The following SH2B1 variants were observed in gnomAD, a reference collection of about 807,000 sequenced individuals.
The protein encoded by SH2B1 is SH2B adapter protein 1.
SH2B1 carries 15 observed loss-of-function variants against 62.6 expected under a neutral mutation model. That is an observed-to-expected ratio of 0.24 (90% CI 0.16 to 0.37). The LOEUF (loss-of-function observed/expected upper bound fraction) is 0.37. Among genes scored for constraint, SH2B1 ranks in the 10% least tolerant of loss-of-function variants. The probability of loss-of-function intolerance (pLI) is 1.00; values close to 1 mark genes in which losing one functional copy is unlikely to be tolerated. For synonymous variants in SH2B1, 443 were observed against 438.0 expected (o/e 1.01, Z -0.14); for missense variants, 925 against 1,015.6 (o/e 0.91, Z 1.21).
Position 28,872,681 on chromosome 16 carries a change from G to A in SH2B1, c.1873G>A (p.Val625Ile), listed in dbSNP as rs371836089. 1 of 1,614,176 alleles carries A rather than the reference G, an allele frequency of 6.2e-7. No individual in the cohort carries two copies. Among genetic ancestry groups the A allele is most frequent in the Non-Finnish European group, 8.5e-7 (1 of 1,180,012 alleles). The change falls in exon 7 of 8, where the codon GTC (valine) becomes ATC (isoleucine). Residue 625 changes from valine (V) to isoleucine (I), a missense_variant. Val to Ile is a conservative substitution (Grantham distance 29, BLOSUM62 3). Around this residue, in one of 3 missense-constraint regions of SH2B1, gnomAD observed 185 missense variants for 189.5 expected, o/e 0.98. Transcript: ENST00000684370. This position sits in a 1 kb window ranked among gnomAD's most constrained non-coding sequence, Gnocchi z 5.3. ...CAGTGATGTTGTCCTTGTCAGCTAT[G>A]TCCCATCCTCCCAGCGACAGCAGGG... ...GSSDVVLVSY[V>I]PSSQRQQEPT... is the part of the protein sequence containing the mutation.
chr16:28,871,689 CAG>C (rs1963045744), intron 4 of SH2B1, 89 bp from the exon 5 acceptor site: 1 of 1,047,774 alleles, frequency 9.5e-7, no homozygotes, highest in Non-Finnish European at 1.5e-6. Context: ...CGACTGCACA[CAG>C]GGTAGACTGC....
intron 2 of SH2B1, among the ~76,000 whole-genome samples, chr16:28,868,776 A>G (rs1369431908): frequency 6.6e-6 from 1 of 151,486 alleles, no homozygotes; most frequent in Non-Finnish European, 1.5e-5. Context: ...TTATTTTTCA[A>G]TTTTTTTAGA....
chr16:28,852,602 TTATATATATACACATATATATTTA>T (rs1962167854), intron 1 of SH2B1, among the ~76,000 whole-genome samples: 1 of 41,054 alleles, frequency 2.4e-5, no homozygotes, highest in Non-Finnish European at 3.7e-5. Flanking sequence ...ACATATATAT[TTATATATATACACATATATATTTA>T]TATATATACA....
rs1179198607 is a variant in SH2B1, at chr16:28,872,112, G to A, written c.1514-78G>A. The A allele has an allele frequency of 3.1e-5, 46 of 1,460,440 alleles. No individual in the cohort carries two copies. Among genetic ancestry groups the A allele is most frequent in the Non-Finnish European group, 4.3e-5 (45 of 1,051,670 alleles). 90.5% of individuals were successfully genotyped at this position (1,460,440 alleles called of 1,614,324 possible). A position where few individuals can be genotyped will look rare whatever the true frequency, so the allele number is the denominator to read the frequency against. Reference sequence around the variant, plus strand: ...ATGTGGGGAGCAGGCGCCTTGAGGGGAAGGCAAGGCTTTTTTCTCCCAGGA... The same window carrying A: ...ATGTGGGGAGCAGGCGCCTTGAGGGAAAGGCAAGGCTTTTTTCTCCCAGGA... On this transcript the variant is annotated intron_variant, in intron 5 of 7. Transcript: ENST00000684370. The surrounding 1 kb of genome is among the most constrained non-coding windows in gnomAD (Gnocchi z 5.3).
intron 1 of SH2B1, among the ~76,000 whole-genome samples, chr16:28,858,233 C>A (rs1962365552): frequency 6.6e-6 from 1 of 152,122 alleles, no homozygotes; most frequent in Non-Finnish European, 1.5e-5. Context: ...CAGGTGTTGG[C>A]TGGGCACAGT....
At chr16:28,862,187 T>C (rs939939172), upstream of SH2B1, 72 of 152,256 alleles carry the variant, frequency 4.7e-4, no homozygotes. Context: ...CTACCCTCCG[T>C]ACTTTAATTG....
chr16:28,852,258 T>G (rs1228019698), intron 1 of SH2B1, among the ~76,000 whole-genome samples: 1 of 92,274 alleles, frequency 1.1e-5, no homozygotes, highest in Non-Finnish European at 1.9e-5. Context: ...ATATATATAT[T>G]TACATATATA....
Position 28,872,072 on chromosome 16 carries a change from G to A in SH2B1, c.1513+89G>A. 1 of 1,348,694 alleles carries A rather than the reference G, an allele frequency of 7.4e-7. No individual in the cohort carries two copies. Among genetic ancestry groups the A allele is most frequent in the South Asian group, 1.2e-5 (1 of 84,148 alleles). 83.5% of individuals were successfully genotyped at this position (1,348,694 alleles called of 1,614,324 possible). A position where few individuals can be genotyped will look rare whatever the true frequency, so the allele number is the denominator to read the frequency against. Reference sequence around the variant, plus strand: ...TGGGATCCCGAGGGAGCTGGCCCAGGGGAGTTGGGGACGCATGTGGGGAGC... The same window carrying A: ...TGGGATCCCGAGGGAGCTGGCCCAGAGGAGTTGGGGACGCATGTGGGGAGC... On this transcript the variant is annotated intron_variant, in intron 5 of 7. Transcript: ENST00000684370. The surrounding 1 kb of genome is among the most constrained non-coding windows in gnomAD (Gnocchi z 5.3).
chr16:28,851,626 G>A (rs1229866107), intron 1 of SH2B1, among the ~76,000 whole-genome samples: 7 of 150,740 alleles, frequency 4.6e-5, no homozygotes, highest in Non-Finnish European at 5.9e-5. Flanking sequence ...CCACGCCCAG[G>A]TAATTTTTTT....
intron 1 of SH2B1, among the ~76,000 whole-genome samples, chr16:28,857,403 A>C (rs1164798200): frequency 1.1e-5 from 1 of 91,734 alleles, no homozygotes; most frequent in Non-Finnish European, 2.1e-5. Context: ...CATAATGGGG[A>C]GTGGGGGCGG....
intron 1 of SH2B1, among the ~76,000 whole-genome samples, chr16:28,854,115 G>C (rs2152160099): frequency 6.6e-6 from 1 of 150,538 alleles, no homozygotes; most frequent in African/African-American, 2.4e-5. Flanking sequence ...AATGTAGTGA[G>C]ACTCCATCTC....
Position 28,867,354 on chromosome 16 carries a change from C to G in SH2B1, c.963C>G (p.Ile321Met). The G allele has an allele frequency of 6.2e-7, 1 of 1,614,122 alleles. No homozygotes were observed. The highest frequency in any genetic ancestry group is 1.3e-5 in the African/African-American group (1 of 75,028). ...AGGCCTCTCGGCCCCGACTCAGCAT[C>G]CCCTGCTCTTCTATCACAGACGTCC... is the stretch of plus-strand genomic sequence containing the variant. ...PPKASRPRLS[I>M]PCSSITDVRT... is the part of the protein sequence containing the mutation. The change falls in exon 2 of 8, where the codon ATC becomes ATG. Residue 321 changes from isoleucine (I) to methionine (M), a missense_variant. Physicochemically the swap from Ile to Met is conservative, Grantham distance 10. Around this residue, in one of 3 missense-constraint regions of SH2B1, gnomAD observed 683 missense variants for 704.0 expected, o/e 0.97. Coordinates refer to ENST00000684370, the MANE Select transcript of SH2B1 (RefSeq NM_001387430.1).
chr16:28,859,756 G>T (rs1338734248), upstream of SH2B1, among the ~76,000 whole-genome samples: 1 of 151,802 alleles, frequency 6.6e-6, no homozygotes, highest in African/African-American at 2.4e-5. Context: ...CCAGGGAAAA[G>T]CAGAACTAAA....
Position 28,864,543 on chromosome 16 carries a change from A to C in SH2B1, c.-1552A>C, listed in dbSNP as rs887438186. The C allele has an allele frequency of 4.1e-6, 4 of 985,418 alleles. No homozygotes were observed. The highest frequency in any genetic ancestry group is 1.7e-5 in the African/African-American group (1 of 57,162). The allele number at this position is 985,418 out of a possible 1,614,324, so 61.0% of individuals were successfully genotyped here. A position where few individuals can be genotyped will look rare whatever the true frequency, so the allele number is the denominator to read the frequency against. On this transcript the variant is annotated 5_prime_UTR_variant, in exon 1 of 8. Transcript: ENST00000684370. ...GGAGCCATCTGAGCTTGTAGGGTCG[A>C]GGCCCAGGAGGAAGGGGAGGGTTCA...
In SH2B1 at chr16:28,873,516, G is replaced by T. The variant is rs749239146; in HGVS notation, c.1967G>T (p.Gly656Val). ...PPSWTDPPQP[G>V]AEEASRAPEV... ...TCATGGACAGATCCCCCACAGCCTG[G>T]GGCAGAAGAGGCGTCGAGGGCGCCA... The change falls in exon 8 of 8, where the codon GGG becomes GTG. Residue 656 changes from glycine to valine, a missense_variant. Coordinates refer to ENST00000684370, the MANE Select transcript of SH2B1 (RefSeq NM_001387430.1). This position sits in a 1 kb window ranked among gnomAD's most constrained non-coding sequence, Gnocchi z 4.2. 1 of 1,600,846 alleles carries T rather than the reference G, an allele frequency of 6.2e-7. No individual in the cohort carries two copies. Among genetic ancestry groups the T allele is most frequent in the Non-Finnish European group, 8.5e-7 (1 of 1,174,772 alleles).
At chr16:28,861,435 G>A (rs920842785), upstream of SH2B1, among the ~76,000 whole-genome samples, 4 of 129,128 alleles carry the variant, frequency 3.1e-5, no homozygotes, top group South Asian at 4.9e-4. Context: ...GGCCATCTTA[G>A]AACATTTTTT....
At chr16:28,855,186 C>G (rs931126220) in intron 1 of SH2B1, among the ~76,000 whole-genome samples, 1 of 151,492 alleles carries the variant, frequency 6.6e-6, no homozygotes, top group Non-Finnish European at 1.5e-5. Context: ...CCACACTGGC[C>G]CCCCACTTTC....
At chr16:28,858,678 A>C (rs1446446750) in intron 1 of SH2B1, among the ~76,000 whole-genome samples, 1 of 152,020 alleles carries the variant, frequency 6.6e-6, no homozygotes. Context: ...AGTGGCTCAC[A>C]CTTGTAATCC....
rs758036479 is a variant in SH2B1, at chr16:28,866,239, C to G, written c.145C>G (p.Leu49Val). The part of the protein sequence containing the change: ...LDFARRFRLY[L>V]ASHPQYAGPG... Reference sequence around the variant, plus strand: ...CTTTGCCCGCCGTTTTCGCCTCTACCTGGCCTCCCACCCCCAATATGCGGG... The same window carrying G: ...CTTTGCCCGCCGTTTTCGCCTCTACGTGGCCTCCCACCCCCAATATGCGGG... The change falls in exon 1 of 8, where the codon CTG becomes GTG. Residue 49 changes from leucine (L) to valine (V), a missense_variant. Physicochemically the swap from Leu to Val is conservative, Grantham distance 32 (BLOSUM62 1). Coordinates refer to ENST00000684370, the MANE Select transcript of SH2B1 (RefSeq NM_001387430.1). The surrounding 1 kb of genome is among the most constrained non-coding windows in gnomAD (Gnocchi z 6.3). 1 of 1,611,072 alleles carries G rather than the reference C, an allele frequency of 6.2e-7. No homozygotes were observed. The highest frequency in any genetic ancestry group is 8.5e-7 in the Non-Finnish European group (1 of 1,179,500).
Sources: allele counts gnomAD v4.1 joint callset (sites outside exome capture counted in the v4.1 genomes callset), GRCh38; gene constraint gnomAD v4.1.1; regional missense constraint gnomAD v4.1.1; non-coding constraint Gnocchi (gnomAD v3.1); transcripts MANE v1.5; gene names NCBI Gene and HGNC (gene_info 2026-07-23, HGNC 2026-07-21).